STXBP5L: variants seen among roughly 807,000 people sequenced by gnomAD.
STXBP5L encodes syntaxin-binding protein 5-like.
A neutral mutation model predicts 144.5 loss-of-function variants in STXBP5L; 65 were observed. The observed-to-expected ratio is 0.45, with a 90% confidence interval of 0.37 to 0.55. STXBP5L has a LOEUF of 0.55. STXBP5L is among the 20% of genes least tolerant of loss of function. The pLI is 0.00. For synonymous variants in STXBP5L, 505 were observed against 469.6 expected (o/e 1.08, Z -0.97); for missense variants, 1,298 against 1,405.5 (o/e 0.92, Z 1.22).
chr3:121,298,228 C>T (rs141476996), intron 19 of STXBP5L, among the ~76,000 whole-genome samples: 1 of 152,164 alleles, frequency 6.6e-6, no homozygotes, highest in African/African-American at 2.4e-5. Flanking sequence ...TAGTTTCAAT[C>T]TGCATTTCCC....
intron 3 of STXBP5L, among the ~76,000 whole-genome samples, chr3:121,016,485 A>T (rs1403722): frequency 0.099 from 15,106 of 152,204 alleles, 1,173 homozygotes; most frequent in Admixed American, 0.2. Flanking sequence ...GTACGTATCT[A>T]TAGATTAGAC....
chr3:121,054,241 G>T (rs1181403855), intron 5 of STXBP5L, among the ~76,000 whole-genome samples: 1 of 152,096 alleles, frequency 6.6e-6, no homozygotes, highest in East Asian at 1.9e-4. Flanking sequence ...CCATTACTGG[G>T]TATATACCCA....
intron 3 of STXBP5L, among the ~76,000 whole-genome samples, chr3:120,991,610 AG>A (rs1942881125): frequency 6.6e-6 from 1 of 152,260 alleles, no homozygotes; most frequent in African/African-American, 2.4e-5. Context: ...GACTGGATTA[AG>A]AAAATGTGGC....
chr3:121,129,981 C>T (rs1180292559), intron 7 of STXBP5L, among the ~76,000 whole-genome samples: 1 of 152,104 alleles, frequency 6.6e-6, no homozygotes, highest in Non-Finnish European at 1.5e-5. Context: ...AGTGTCACAT[C>T]ACTTGATGGG....
At chr3:121,351,452 T>C (rs11717342) in intron 20 of STXBP5L, among the ~76,000 whole-genome samples, 74,344 of 151,988 alleles carry the variant, frequency 0.49, 18,697 homozygotes, top group East Asian at 0.71. Context: ...AATCTCAAGC[T>C]GCGTGCTGGG....
intron 18 of STXBP5L, among the ~76,000 whole-genome samples, chr3:121,271,640 T>C (rs2050737422): frequency 6.6e-6 from 1 of 152,196 alleles, no homozygotes; most frequent in South Asian, 2.1e-4. Context: ...AAGTAGCTTA[T>C]CAATTTATTC....
At chr3:120,913,723 G>A (rs946924936) in intron 2 of STXBP5L, among the ~76,000 whole-genome samples, 1 of 151,914 alleles carries the variant, frequency 6.6e-6, no homozygotes, top group African/African-American at 2.4e-5. Context: ...GAAATTACAT[G>A]CTTTTGAAGC....
chr3:120,971,820 C>T (rs896273872), intron 3 of STXBP5L, among the ~76,000 whole-genome samples: 4 of 150,212 alleles, frequency 2.7e-5, no homozygotes, highest in Non-Finnish European at 5.9e-5. Flanking sequence ...ATGTCTGTGC[C>T]ATGGAATACT....
intron 5 of STXBP5L, among the ~76,000 whole-genome samples, chr3:121,062,738 T>C (rs564674233): frequency 1.3e-5 from 2 of 152,348 alleles, no homozygotes; most frequent in Non-Finnish European, 2.9e-5. Flanking sequence ...CTTGTCTTCG[T>C]GCTGTATTTC....
At chr3:121,089,019 C>G (rs1212465366) in intron 5 of STXBP5L, among the ~76,000 whole-genome samples, 1 of 106,652 alleles carries the variant, frequency 9.4e-6, no homozygotes, top group African/African-American at 3.9e-5. Flanking sequence ...GTGCAGCACA[C>G]CAGCATGGCA....
Position 121,183,660 on chromosome 3 carries a change from AGAAG to A in STXBP5L, c.878-22257_878-22254del, listed in dbSNP as rs559170235. Among the ~76,000 whole-genome samples the A allele has an allele frequency of 1.1e-4, 16 of 150,292 alleles. No homozygotes were observed. The South Asian group carries it at 2.5e-3, about 24-fold the overall frequency. ...AAGGAAAGAAAGAAAAAAGAAAGAA[AGAAG>A]GAAGGGAGGGAGGGAGGAAGGAAGC... On this transcript the variant is annotated intron_variant, in intron 9 of 26. Coordinates refer to ENST00000471454, the MANE Select transcript of STXBP5L (RefSeq NM_001308330.2).
At chr3:121,024,257 T>A (rs1945770883) in intron 3 of STXBP5L, among the ~76,000 whole-genome samples, 1 of 152,106 alleles carries the variant, frequency 6.6e-6, no homozygotes, top group South Asian at 2.1e-4. Context: ...ATTGGTAAAA[T>A]TTCTGAACAG....
At chr3:120,910,975 G>A (rs1379550937) in intron 2 of STXBP5L, among the ~76,000 whole-genome samples, 1 of 152,112 alleles carries the variant, frequency 6.6e-6, no homozygotes, top group Non-Finnish European at 1.5e-5. Context: ...CAGTGGTTAT[G>A]AGACAAATGT....
intron 5 of STXBP5L, among the ~76,000 whole-genome samples, chr3:121,085,528 AACAATAG>A (rs1320587893): frequency 6.6e-6 from 1 of 152,210 alleles, no homozygotes; most frequent in Non-Finnish European, 1.5e-5. Context: ...CATATACACC[AACAATAG>A]ACAAACAGAG....
chr3:121,185,820 C>G (rs1022035120), intron 9 of STXBP5L, among the ~76,000 whole-genome samples: 17 of 151,988 alleles, frequency 1.1e-4, no homozygotes, highest in Non-Finnish European at 1.9e-4. Context: ...GTTGTTTTTT[C>G]CAATTCTGTG....
intron 5 of STXBP5L, among the ~76,000 whole-genome samples, chr3:121,053,891 A>T (rs1356068117): frequency 6.6e-6 from 1 of 151,736 alleles, no homozygotes; most frequent in East Asian, 1.9e-4. Context: ...CAAATTTACA[A>T]GAAAAAAAAA....
At chr3:121,278,789 A>G (rs558661959) in intron 18 of STXBP5L, among the ~76,000 whole-genome samples, 48 of 151,964 alleles carry the variant, frequency 3.2e-4, no homozygotes, top group Non-Finnish European at 5.2e-4. Context: ...AGTGATAGAG[A>G]TGAGAATTAA....
chr3:121,407,701 C>A, intron 23 of STXBP5L, 98 bp downstream of exon 23: 4 of 1,436,310 alleles, frequency 2.8e-6, no homozygotes, highest in South Asian at 1.3e-5. Flanking sequence ...TATCAAGAAG[C>A]AAACTGAGAT....
At chr3:121,036,612 T>A (rs999707199) in intron 3 of STXBP5L, among the ~76,000 whole-genome samples, 1 of 152,058 alleles carries the variant, frequency 6.6e-6, no homozygotes, top group Non-Finnish European at 1.5e-5. Context: ...AATGTACAAA[T>A]TTTCCTTAAA....
Sources: allele counts gnomAD v4.1 joint callset (sites outside exome capture counted in the v4.1 genomes callset), GRCh38; gene constraint gnomAD v4.1.1; transcripts MANE v1.5; gene names NCBI Gene and HGNC (gene_info 2026-07-23, HGNC 2026-07-21).